Variants in LETM1 observed in about 807,000 individuals in gnomAD.
LETM1 encodes the protein leucine zipper and EF-hand containing transmembrane protein 1, also known as mitochondrial proton/calcium exchanger protein.
LETM1 carries 50 observed loss-of-function variants against 74.5 expected under a neutral mutation model. That is an observed-to-expected ratio of 0.67 (90% CI 0.53 to 0.85). The LOEUF (loss-of-function observed/expected upper bound fraction) is 0.85, where lower values mean the gene tolerates loss of function less well. Among genes scored for constraint, LETM1 ranks in the 40% least tolerant of loss-of-function variants. The probability of loss-of-function intolerance (pLI) is 0.00; values close to 1 mark genes in which losing one functional copy is unlikely to be tolerated. For missense variants in LETM1, 824 were observed against 967.8 expected (o/e 0.85, Z 1.97); for synonymous variants, 446 against 407.1 (o/e 1.10, Z -1.15).
intron 6 of LETM1, among the ~76,000 whole-genome samples, chr4:1,828,983 AG>A (rs1324315520): frequency 1.3e-5 from 1 of 75,114 alleles, no homozygotes; most frequent in African/African-American, 5.9e-5. Context: ...CTGGCCGGGC[AG>A]GGGGGCTGAC....
chr4:1,851,480 G>A (rs1054546085), intron 1 of LETM1, among the ~76,000 whole-genome samples: 3 of 152,188 alleles, frequency 2.0e-5, no homozygotes, highest in Non-Finnish European at 4.4e-5. Context: ...TGGTTCTGTG[G>A]GGAAGGAAAT....
intron 6 of LETM1, among the ~76,000 whole-genome samples, chr4:1,829,562 C>G (rs1430694210): frequency 1.3e-5 from 2 of 152,240 alleles, no homozygotes; most frequent in South Asian, 2.1e-4. Flanking sequence ...CGCCTGTAAT[C>G]CCAACATTTT....
At chr4:1,847,920 C>T (rs538892969) in intron 2 of LETM1, among the ~76,000 whole-genome samples, 1 of 151,180 alleles carries the variant, frequency 6.6e-6, no homozygotes, top group Non-Finnish European at 1.5e-5. Context: ...TGCTTGAACC[C>T]GGGAGGTGGA....
intron 13 of LETM1, 67 bp from the exon 14 acceptor site, chr4:1,814,640 G>T: frequency 7.0e-7 from 1 of 1,437,448 alleles, no homozygotes; most frequent in Non-Finnish European, 9.7e-7. Context: ...CAGAGGCGGG[G>T]CCAGCGCCGT....
At chr4:1,815,860 ACT>A (rs1711554414) in intron 12 of LETM1, 58 bp from the exon 13 acceptor site, 25 of 1,597,768 alleles carry the variant, frequency 1.6e-5, no homozygotes, top group Non-Finnish European at 2.0e-5. Context: ...ACAGGGCCTC[ACT>A]GCCCACACCT....
intron 10 of LETM1, among the ~76,000 whole-genome samples, chr4:1,821,739 T>C (rs1711784017): frequency 6.6e-6 from 1 of 152,132 alleles, no homozygotes; most frequent in Non-Finnish European, 1.5e-5. Flanking sequence ...CCTCACAGGC[T>C]CGCATGGGGA....
chr4:1,843,459 C>T (rs1712776139), intron 2 of LETM1, among the ~76,000 whole-genome samples: 1 of 152,220 alleles, frequency 6.6e-6, no homozygotes, highest in African/African-American at 2.4e-5. Context: ...AGCGAGCACA[C>T]ACCAGGATCA....
intron 13 of LETM1, 85 bp downstream of exon 13, chr4:1,815,579 C>A: frequency 6.7e-7 from 1 of 1,483,470 alleles, no homozygotes; most frequent in Non-Finnish European, 9.2e-7. Flanking sequence ...CAGGAGGGTG[C>A]CGGACATGCA....
chr4:1,825,375 G>A (rs902017185), intron 7 of LETM1, among the ~76,000 whole-genome samples, 189 bp downstream of exon 7: 1 of 152,288 alleles, frequency 6.6e-6, no homozygotes, highest in Non-Finnish European at 1.5e-5. Flanking sequence ...AGGTGCGAAT[G>A]CAGGGGTGTG....
chr4:1,852,628 T>C (rs1354524756), intron 1 of LETM1, among the ~76,000 whole-genome samples: 1 of 152,236 alleles, frequency 6.6e-6, no homozygotes, highest in Non-Finnish European at 1.5e-5. Flanking sequence ...TGATAACGAA[T>C]AACAGAAGAC....
Position 1,812,333 on chromosome 4 carries a change from C to T in LETM1, c.*2091G>A, listed in dbSNP as rs1192294408. ...TGAGCCGAGATCGCACCACTGCACTCCAGCCTGGGTGACAGAGCGAGACTC... is the reference window on the plus strand; with the variant it reads ...TGAGCCGAGATCGCACCACTGCACTTCAGCCTGGGTGACAGAGCGAGACTC... On this transcript the variant is annotated 3_prime_UTR_variant, in exon 14 of 14. Transcript: ENST00000302787. 5 of 141,592 alleles carry T rather than the reference C, an allele frequency of 3.5e-5. No individual in the cohort carries two copies. Among genetic ancestry groups the T allele is most frequent in the Non-Finnish European group, 6.0e-5 (4 of 66,524 alleles). 8.8% of individuals were successfully genotyped at this position (141,592 alleles called of 1,614,324 possible).
chr4:1,825,469 G>T, intron 7 of LETM1, 95 bp downstream of exon 7: 1 of 1,476,894 alleles, frequency 6.8e-7, no homozygotes, highest in Admixed American at 1.9e-5. Flanking sequence ...TCGCCAGGCC[G>T]GCCCAGAGTT....
rs568785897 is a variant in LETM1, at chr4:1,814,016, C to T, written c.*408G>A. 4.5e-5 allele frequency: 10 copies of T among 219,878 alleles called. No homozygotes were observed. Among genetic ancestry groups the T allele is most frequent in the African/African-American group, 1.6e-4 (7 of 44,918 alleles). 13.6% of individuals were successfully genotyped at this position (219,878 alleles called of 1,614,324 possible). A position where few individuals can be genotyped will look rare whatever the true frequency, so the allele number is the denominator to read the frequency against. On this transcript the variant is annotated 3_prime_UTR_variant, in exon 14 of 14. Coordinates refer to ENST00000302787, the MANE Select transcript of LETM1 (RefSeq NM_012318.3). The stretch of plus-strand genomic sequence containing the variant: ...GAGGAGGCCAGGCTGTGTCTCCTGA[C>T]GCCCCTGAGGGTGGGCACAGCAGCC...
At chr4:1,820,336 G>A (rs534930960) in intron 10 of LETM1, among the ~76,000 whole-genome samples, 1 of 152,260 alleles carries the variant, frequency 6.6e-6, no homozygotes, top group African/African-American at 2.4e-5. Flanking sequence ...TTCATTTTGG[G>A]GGGTGCCATA....
intron 11 of LETM1, among the ~76,000 whole-genome samples, chr4:1,817,699 G>C (rs1711624505): frequency 6.6e-6 from 1 of 152,126 alleles, no homozygotes. Flanking sequence ...AAAAGACATA[G>C]AATCTATTCT....
intron 2 of LETM1, among the ~76,000 whole-genome samples, chr4:1,846,153 G>A (rs1018770433): frequency 6.6e-6 from 1 of 151,882 alleles, no homozygotes; most frequent in East Asian, 1.9e-4. Context: ...CACTGCGCCC[G>A]GCCTCATCCA....
chr4:1,819,565 G>A, intron 10 of LETM1, 93 bp from the exon 11 acceptor site: 1 of 1,384,006 alleles, frequency 7.2e-7, no homozygotes, highest in Non-Finnish European at 9.7e-7. Flanking sequence ...TATTATACGG[G>A]CAGCCCAGGG....
intron 10 of LETM1, among the ~76,000 whole-genome samples, chr4:1,821,623 G>A (rs1711777558): frequency 6.6e-6 from 1 of 152,198 alleles, no homozygotes. Flanking sequence ...GGGAGGCTGA[G>A]ACTGCACTGA....
chr4:1,827,274 CTTTT>C lies in LETM1; in HGVS notation c.1081-1595_1081-1592del, dbSNP rs759264558. Among the ~76,000 whole-genome samples the C allele has an allele frequency of 2.5e-4, 26 of 103,756 alleles. 1 individual carries two copies. The highest frequency in any genetic ancestry group is 1.3e-3 in the South Asian group (4 of 3,042). The allele number at this position is 103,756 out of a possible 152,430, so 68.1% of individuals were successfully genotyped here. ...GGTTATAGATCCTGGATTGACAGTT[CTTTT>C]TTTTTTTTTTTTTTTTAATTTATTT... On this transcript the variant is annotated intron_variant, in intron 6 of 13. Transcript: ENST00000302787.
Sources: gnomAD v4.1 joint callset for allele counts (sites outside exome capture counted in the v4.1 genomes callset) on GRCh38, gnomAD v4.1.1 for gene constraint, MANE v1.5 for transcripts, NCBI Gene and HGNC (gene_info 2026-07-23, HGNC 2026-07-21) for gene names.